The following PDGFC variants were observed in gnomAD, a reference collection of about 807,000 sequenced individuals.
The protein encoded by PDGFC is platelet derived growth factor C, also known as platelet-derived growth factor C.
A neutral mutation model predicts 35.5 loss-of-function variants in PDGFC; 12 were observed. The observed-to-expected ratio is 0.34, with a 90% CI of 0.22 to 0.55. PDGFC has a LOEUF of 0.55. Among genes scored for constraint, PDGFC ranks in the 20% least tolerant of loss-of-function variants. The probability of loss-of-function intolerance (pLI) is 0.91; values close to 1 mark genes in which losing one functional copy is unlikely to be tolerated. For synonymous variants in PDGFC, 159 were observed against 148.8 expected (o/e 1.07, Z -0.50); for missense variants, 322 against 412.4 (o/e 0.78, Z 1.90).
chr4:156,775,775 T>A (rs541377029), intron 3 of PDGFC, among the ~76,000 whole-genome samples: 5 of 152,330 alleles, frequency 3.3e-5, no homozygotes, highest in African/African-American at 9.6e-5. Flanking sequence ...GCATCTTCTG[T>A]TACTGTATGT....
In PDGFC at chr4:156,969,219, T is replaced by G. The variant is rs1027841787; in HGVS notation, c.118+1567A>C. On this transcript the variant is annotated intron_variant, in intron 1 of 5. Coordinates refer to ENST00000502773, the MANE Select transcript of PDGFC (RefSeq NM_016205.3). Reference sequence around the variant, plus strand: ...GCTAGTAAGAAGCAATATTTTGAACTGGACATTTATTTTACATGAGAAAGA... The same window carrying G: ...GCTAGTAAGAAGCAATATTTTGAACGGGACATTTATTTTACATGAGAAAGA... Among the ~76,000 whole-genome samples, 3 of 152,238 alleles carry G rather than the reference T, an allele frequency of 2.0e-5. No homozygotes were observed. The South Asian group carries it at 6.2e-4, about 31-fold the overall frequency.
chr4:156,798,902 A>C (rs1444973684), intron 3 of PDGFC, among the ~76,000 whole-genome samples: 2 of 152,226 alleles, frequency 1.3e-5, no homozygotes, highest in Non-Finnish European at 2.9e-5. Flanking sequence ...CCTCTTTAGC[A>C]ATGCTACACA....
intron 3 of PDGFC, among the ~76,000 whole-genome samples, chr4:156,789,764 CAGG>C (rs1200659184): frequency 6.6e-6 from 1 of 152,104 alleles, no homozygotes; most frequent in Non-Finnish European, 1.5e-5. Flanking sequence ...ATCATGAGGT[CAGG>C]AGATCGAGAC....
chr4:156,795,368 T>G (rs1180982307), intron 3 of PDGFC, among the ~76,000 whole-genome samples: 1 of 152,144 alleles, frequency 6.6e-6, no homozygotes, highest in Non-Finnish European at 1.5e-5. Context: ...CATTAAAAGG[T>G]ATCTTTAAGT....
At chr4:156,970,669 G>A in intron 1 of PDGFC, 117 bp downstream of exon 1, 1 of 718,480 alleles carries the variant, frequency 1.4e-6, no homozygotes, top group Non-Finnish European at 2.5e-6. Context: ...ACATTTGCAT[G>A]TAATGAGAGA....
chr4:156,864,105 T>C (rs1729779153), intron 1 of PDGFC, among the ~76,000 whole-genome samples: 1 of 152,154 alleles, frequency 6.6e-6, no homozygotes, highest in Non-Finnish European at 1.5e-5. Flanking sequence ...ATTCAATAAA[T>C]ATTTGCTGAC....
intron 1 of PDGFC, among the ~76,000 whole-genome samples, chr4:156,887,859 C>T (rs1231948675): frequency 1.3e-5 from 2 of 151,654 alleles, no homozygotes; most frequent in Non-Finnish European, 2.9e-5. Context: ...AAATACTAGC[C>T]AGGAGTGGTG....
intron 2 of PDGFC, among the ~76,000 whole-genome samples, chr4:156,832,602 C>T (rs1728971388): frequency 6.6e-6 from 1 of 152,174 alleles, no homozygotes; most frequent in Non-Finnish European, 1.5e-5. Flanking sequence ...ACATATACCA[C>T]ATTCGAAACC....
Position 156,763,796 on chromosome 4 carries a change from T to C in PDGFC, c.922-590A>G, listed in dbSNP as rs189193764. 2.1e-3 allele frequency among the ~76,000 whole-genome samples: 326 copies of C among 152,266 alleles called. 1 individual carries two copies. Among genetic ancestry groups the C allele is most frequent in the African/African-American group, 7.6e-3 (315 of 41,554 alleles). On this transcript the variant is annotated intron_variant, in intron 5 of 5. Transcript: ENST00000502773. ...ACATCAGCCCCAGTCACAGCTAACT[T>C]CCTGCAGCTGGATCCTACTGTGCAG...
intron 1 of PDGFC, among the ~76,000 whole-genome samples, chr4:156,893,492 T>C (rs1297267239): frequency 2.0e-5 from 3 of 151,942 alleles, no homozygotes; most frequent in Non-Finnish European, 1.5e-5. Flanking sequence ...TTAAGTTTTT[T>C]ATTTTATTTT....
intron 1 of PDGFC, among the ~76,000 whole-genome samples, chr4:156,900,103 C>T (rs893911784): frequency 3.3e-5 from 5 of 152,118 alleles, no homozygotes; most frequent in African/African-American, 1.2e-4. Context: ...AAAGTCTCAT[C>T]CTCCTCATCT....
rs571653177 is a variant in PDGFC at position 156,957,939 on chromosome 4, C to T, written c.118+12847G>A. On this transcript the variant is annotated intron_variant, in intron 1 of 5. Coordinates refer to ENST00000502773, the MANE Select transcript of PDGFC (RefSeq NM_016205.3). ...TTCCAGCTGCCAAAATCCTATCCCA[C>T]CTTTGATTCTGCACGTGCAAATGAT... 2.0e-5 allele frequency among the ~76,000 whole-genome samples: 3 copies of T among 152,102 alleles called. No individual in the cohort carries two copies. In the East Asian group the frequency reaches 5.8e-4, roughly 30 times the overall value.
At chr4:156,890,943 G>C (rs535844564) in intron 1 of PDGFC, among the ~76,000 whole-genome samples, 26 of 152,022 alleles carry the variant, frequency 1.7e-4, no homozygotes, top group Non-Finnish European at 2.8e-4. Flanking sequence ...ATACATTCAC[G>C]TGTCCCTTAA....
chr4:156,955,971 G>A (rs1732199526), intron 1 of PDGFC, among the ~76,000 whole-genome samples: 2 of 151,956 alleles, frequency 1.3e-5, no homozygotes, highest in Non-Finnish European at 2.9e-5. Flanking sequence ...ATAACCCCAT[G>A]AGAAGCCCTT....
At chr4:156,854,573 G>A (rs1327672333) in intron 1 of PDGFC, among the ~76,000 whole-genome samples, 1 of 151,870 alleles carries the variant, frequency 6.6e-6, no homozygotes, top group East Asian at 1.9e-4. Flanking sequence ...GCAGATGACT[G>A]TCAAAGTTTT....
At chr4:156,908,448 T>G (rs1730968140) in intron 1 of PDGFC, among the ~76,000 whole-genome samples, 1 of 152,150 alleles carries the variant, frequency 6.6e-6, no homozygotes, top group African/African-American at 2.4e-5. Flanking sequence ...ATTAGAATAT[T>G]TATATAAATG....
intron 2 of PDGFC, among the ~76,000 whole-genome samples, chr4:156,829,710 T>G (rs1204418542): frequency 2.0e-5 from 3 of 152,146 alleles, no homozygotes; most frequent in East Asian, 3.9e-4. Context: ...CAGATGTTAT[T>G]TCTTAGATTT....
At chr4:156,780,803 T>A (rs1175253674) in intron 3 of PDGFC, among the ~76,000 whole-genome samples, 1 of 151,940 alleles carries the variant, frequency 6.6e-6, no homozygotes, top group Non-Finnish European at 1.5e-5. Flanking sequence ...TATGCAAAGG[T>A]CAGCAATGAC....
chr4:156,767,897 G>A lies in PDGFC; in HGVS notation c.797C>T (p.Thr266Ile). The A allele has an allele frequency of 6.2e-7, 1 of 1,612,648 alleles. No individual in the cohort carries two copies. Among genetic ancestry groups the A allele is most frequent in the Non-Finnish European group, 8.5e-7 (1 of 1,178,824 alleles). ...SVSIREELKR[T>I]DTIFWPGCLL... ...ACAACCTGGCCAGAAAATGGTATCG[G>A]TTCTCTTTAGTTCTTCCCTTATGGA... Residue 266 changes from threonine (T) to isoleucine (I), a missense_variant, in exon 5 of 6, where the codon ACC becomes ATC. By Grantham distance (89) the Thr-to-Ile change is moderately conservative. Around this residue, in one of 2 missense-constraint regions of PDGFC, gnomAD observed 202 missense variants for 295.9 expected, o/e 0.68. Transcript: ENST00000502773.
Sources: gnomAD v4.1 joint callset for allele counts (sites outside exome capture counted in the v4.1 genomes callset) on GRCh38, gnomAD v4.1.1 for gene constraint, gnomAD v4.1.1 regional missense constraint, MANE v1.5 for transcripts, NCBI Gene and HGNC (gene_info 2026-07-23, HGNC 2026-07-21) for gene names.